EYS: variants seen among roughly 807,000 people sequenced by gnomAD.
EYS encodes the protein protein eyes shut homolog.
In EYS, 250 loss-of-function variants were observed where a neutral mutation model predicts 282.1. The ratio of observed to expected loss-of-function variants is 0.89; its 90% CI spans 0.80 to 0.98. The LOEUF is 0.98. Among genes scored for constraint, EYS ranks in the 50% least tolerant of loss-of-function variants. The probability of loss-of-function intolerance (pLI) is 0.00; values close to 1 mark genes in which losing one functional copy is unlikely to be tolerated. For synonymous variants in EYS, 1,355 were observed against 1,282.9 expected (o/e 1.06, Z -1.20); for missense variants, 4,016 against 3,709.0 (o/e 1.08, Z -2.15).
intron 29 of EYS, among the ~76,000 whole-genome samples, chr6:64,367,438 C>G (rs975393338): frequency 1.3e-5 from 2 of 151,946 alleles, no homozygotes; most frequent in African/African-American, 2.4e-5. Context: ...TTCTGCTCTC[C>G]TATTCTTCAA....
At chr6:64,292,821 C>A (rs1024294300) in intron 30 of EYS, among the ~76,000 whole-genome samples, 4 of 151,840 alleles carry the variant, frequency 2.6e-5, no homozygotes, top group African/African-American at 9.7e-5. Flanking sequence ...TGTATTTGGC[C>A]CCATTCTGAG....
At chr6:65,655,988 G>A (rs752480563) in intron 1 of EYS, among the ~76,000 whole-genome samples, 10 of 151,688 alleles carry the variant, frequency 6.6e-5, no homozygotes, top group Non-Finnish European at 1.5e-4. Flanking sequence ...TCACATTTTC[G>A]TAATTCTCAC....
intron 13 of EYS, among the ~76,000 whole-genome samples, chr6:64,999,497 C>T (rs181585488): frequency 6.2e-4 from 94 of 152,206 alleles, no homozygotes; most frequent in Non-Finnish European, 1.2e-3. Flanking sequence ...GGGCGTGGTC[C>T]CTGGCTAGGG....
At chr6:64,316,557 TAA>T (rs764383299) in intron 29 of EYS, among the ~76,000 whole-genome samples, 11 of 151,934 alleles carry the variant, frequency 7.2e-5, no homozygotes, top group Non-Finnish European at 1.3e-4. Context: ...CTCAAGGAAA[TAA>T]GAGAGGACAC....
At chr6:64,000,638 G>C (rs1381499529) in intron 33 of EYS, among the ~76,000 whole-genome samples, 1 of 151,942 alleles carries the variant, frequency 6.6e-6, no homozygotes, top group Non-Finnish European at 1.5e-5. Flanking sequence ...AAATAACTTT[G>C]TTGACTTAGT....
intron 22 of EYS, among the ~76,000 whole-genome samples, chr6:64,652,163 C>A (rs1000339336): frequency 6.6e-6 from 1 of 152,156 alleles, no homozygotes; most frequent in Non-Finnish European, 1.5e-5. Flanking sequence ...TCTAAGGTGA[C>A]CCACAGTCAT....
intron 26 of EYS, among the ~76,000 whole-genome samples, chr6:64,517,734 T>C (rs550566706): frequency 4.0e-5 from 6 of 151,774 alleles, no homozygotes; most frequent in African/African-American, 1.2e-4. Context: ...GAATAGAAAA[T>C]AAAAAAATTA....
At chr6:65,186,955 A>G (rs78787008) in intron 12 of EYS, among the ~76,000 whole-genome samples, 2 of 151,694 alleles carry the variant, frequency 1.3e-5, no homozygotes, top group Non-Finnish European at 3.0e-5. Flanking sequence ...TCAATGAGAA[A>G]CTGTCTTAGC....
intron 12 of EYS, among the ~76,000 whole-genome samples, chr6:65,133,240 A>T (rs1561982757): frequency 6.6e-6 from 1 of 151,946 alleles, no homozygotes. Flanking sequence ...AACAAAAAAA[A>T]GTGCCCACAT....
At chr6:64,453,090 A>C (rs914649736) in intron 26 of EYS, among the ~76,000 whole-genome samples, 11 of 152,228 alleles carry the variant, frequency 7.2e-5, no homozygotes, top group Admixed American at 3.9e-4. Context: ...GAATGGGAGA[A>C]AATTTTTGCA....
intron 26 of EYS, among the ~76,000 whole-genome samples, chr6:64,474,260 T>C (rs1562014780): frequency 6.6e-6 from 1 of 152,198 alleles, no homozygotes; most frequent in Non-Finnish European, 1.5e-5. Flanking sequence ...ATTTATAACT[T>C]GTTCAACTAA....
chr6:65,052,903 T>G (rs981718209), intron 13 of EYS, among the ~76,000 whole-genome samples: 2 of 151,758 alleles, frequency 1.3e-5, no homozygotes, highest in African/African-American at 4.8e-5. Context: ...ATTAAGGGAT[T>G]TATTTTCCAC....
intron 22 of EYS, among the ~76,000 whole-genome samples, chr6:64,673,264 G>A (rs1240221365): frequency 6.6e-6 from 1 of 152,048 alleles, no homozygotes; most frequent in Non-Finnish European, 1.5e-5. Flanking sequence ...GGACACAGAA[G>A]CGACTGTAAC....
intron 33 of EYS, among the ~76,000 whole-genome samples, chr6:64,011,018 A>G (rs1206921332): frequency 6.6e-6 from 1 of 152,028 alleles, no homozygotes; most frequent in East Asian, 1.9e-4. Flanking sequence ...ATAAACCTAT[A>G]TCTATATCAG....
At chr6:64,863,558 G>T (rs745629218) in intron 19 of EYS, among the ~76,000 whole-genome samples, 17 of 152,124 alleles carry the variant, frequency 1.1e-4, no homozygotes, top group Non-Finnish European at 2.1e-4. Context: ...CGTTCAGTTT[G>T]AGCTGGTGGG....
chr6:65,563,165 A>T (rs1289199382), intron 2 of EYS, among the ~76,000 whole-genome samples: 2 of 152,140 alleles, frequency 1.3e-5, no homozygotes, highest in Non-Finnish European at 2.9e-5. Flanking sequence ...GGCTTGTGAG[A>T]CAATCTTGAA....
In EYS at chr6:64,296,444, G is replaced by A. The variant is rs573421770; in HGVS notation, c.6191+10526C>T. Among the ~76,000 whole-genome samples the A allele has an allele frequency of 1.0e-3, 156 of 151,306 alleles. 1 individual carries two copies. The highest frequency in any genetic ancestry group is 1.7e-3 in the Non-Finnish European group (114 of 67,878). ...TGCTATATTATTCATGTTAACTTAT[G>A]AGTTTATCATTTTATAAGAATTAAT... On this transcript the variant is annotated intron_variant, in intron 30 of 42. Coordinates refer to ENST00000503581, the MANE Select transcript of EYS (RefSeq NM_001142800.2).
At chr6:64,275,310 C>G (rs528748784) in intron 30 of EYS, among the ~76,000 whole-genome samples, 3 of 152,110 alleles carry the variant, frequency 2.0e-5, no homozygotes, top group East Asian at 1.9e-4. Flanking sequence ...TCTGAAATGG[C>G]TGGGTGGTGG....
intron 29 of EYS, among the ~76,000 whole-genome samples, chr6:64,346,723 C>T (rs1236292830): frequency 1.3e-5 from 2 of 150,780 alleles, no homozygotes; most frequent in East Asian, 3.9e-4. Context: ...TTAAACAAAA[C>T]AAAACAAAAA....
Sources: allele counts gnomAD v4.1 joint callset (sites outside exome capture counted in the v4.1 genomes callset), GRCh38; gene constraint gnomAD v4.1.1; transcripts MANE v1.5; gene names NCBI Gene and HGNC (gene_info 2026-07-23, HGNC 2026-07-21).